CA10: variants seen among roughly 807,000 people sequenced by gnomAD.
The protein encoded by CA10 is carbonic anhydrase-related protein 10.
In CA10, 14 loss-of-function variants were observed where a neutral mutation model predicts 44.2. That is an observed-to-expected ratio of 0.32 (90% confidence interval 0.21 to 0.50). The LOEUF (loss-of-function observed/expected upper bound fraction) is 0.50, where lower values mean the gene tolerates loss of function less well. CA10 is among the 20% of genes least tolerant of loss of function. The pLI is 0.99. For synonymous variants in CA10, 159 were observed against 141.6 expected, an observed-to-expected ratio of 1.12 and a Z score of -0.87; for missense variants, 350 against 409.7, an observed-to-expected ratio of 0.85 and a Z score of 1.26.
At chr17:51,737,288 A>G (rs558102552) in intron 4 of CA10, among the ~76,000 whole-genome samples, 3 of 152,296 alleles carry the variant, frequency 2.0e-5, no homozygotes, top group Admixed American at 6.5e-5. Context: ...TGGGTGTGAT[A>G]AGGCCCTAAG....
chr17:51,843,258 G>A (rs113012468), intron 3 of CA10, among the ~76,000 whole-genome samples: 5 of 152,188 alleles, frequency 3.3e-5, no homozygotes, highest in African/African-American at 1.2e-4. Flanking sequence ...ATTCTCTAAA[G>A]AAAGGTAGAC....
chr17:51,679,297 T>A (rs1914746077), intron 4 of CA10, among the ~76,000 whole-genome samples: 1 of 151,354 alleles, frequency 6.6e-6, no homozygotes, highest in African/African-American at 2.4e-5. Context: ...TCTCGCTCTG[T>A]CACCCAGGCT....
intron 2 of CA10, among the ~76,000 whole-genome samples, chr17:51,935,147 G>T: frequency 6.6e-6 from 1 of 152,086 alleles, no homozygotes; most frequent in Non-Finnish European, 1.5e-5. Flanking sequence ...TATCTTTCAG[G>T]TTTATAGACA....
chr17:51,676,618 A>C (rs1914633618), intron 4 of CA10, among the ~76,000 whole-genome samples: 1 of 152,164 alleles, frequency 6.6e-6, no homozygotes, highest in Admixed American at 6.5e-5. Context: ...TTGCTCTTAC[A>C]TCAGAAACCC....
intron 2 of CA10, among the ~76,000 whole-genome samples, chr17:51,988,909 T>G (rs1229190265): frequency 6.6e-6 from 1 of 152,090 alleles, no homozygotes; most frequent in African/African-American, 2.4e-5. Flanking sequence ...ATTAATGAGC[T>G]ATTTCACCTT....
At chr17:52,135,813 C>G (rs1989344814) in intron 1 of CA10, among the ~76,000 whole-genome samples, 1 of 152,168 alleles carries the variant, frequency 6.6e-6, no homozygotes, top group Non-Finnish European at 1.5e-5. Flanking sequence ...TAAAGCATAA[C>G]TACGATCATG....
At chr17:51,729,595 C>A (rs1022478351) in intron 4 of CA10, among the ~76,000 whole-genome samples, 1 of 152,198 alleles carries the variant, frequency 6.6e-6, no homozygotes, top group African/African-American at 2.4e-5. Context: ...GCCAAGTTGA[C>A]AAGCAATCAA....
At chr17:52,033,672 A>G (rs144422729) in intron 2 of CA10, among the ~76,000 whole-genome samples, 287 of 152,304 alleles carry the variant, frequency 1.9e-3, no homozygotes, top group African/African-American at 6.5e-3. Context: ...GATATGTTCT[A>G]TAAGATACCA....
rs566983263 is a variant in CA10 at position 51,771,186 on chromosome 17, C to A, written c.280-23368G>T. Reference sequence around the variant, plus strand: ...TGTGAACCCAGAGTGAGAGCTCACTCTTCACCAAGCCATTCATGAGGGATC... The same window carrying A: ...TGTGAACCCAGAGTGAGAGCTCACTATTCACCAAGCCATTCATGAGGGATC... On this transcript the variant is annotated intron_variant, in intron 3 of 8. Coordinates refer to ENST00000451037, the MANE Select transcript of CA10 (RefSeq NM_020178.5). 2.0e-3 allele frequency among the ~76,000 whole-genome samples: 294 copies of A among 148,338 alleles called. No individual in the cohort carries two copies. The Middle Eastern group carries it at 0.028, about 14-fold the overall frequency.
chr17:52,121,781 T>C (rs1176808626), intron 1 of CA10, among the ~76,000 whole-genome samples: 1 of 151,964 alleles, frequency 6.6e-6, no homozygotes, highest in Non-Finnish European at 1.5e-5. Context: ...GAAAATTGTG[T>C]TACAAAAGCA....
intron 1 of CA10, among the ~76,000 whole-genome samples, chr17:52,102,922 A>G (rs1336707062): frequency 6.6e-6 from 1 of 152,038 alleles, no homozygotes; most frequent in African/African-American, 2.4e-5. Context: ...TTCACCCTCT[A>G]CGGAAGTCAC....
At chr17:51,985,762 T>TA (rs985013349) in intron 2 of CA10, among the ~76,000 whole-genome samples, 2 of 151,262 alleles carry the variant, frequency 1.3e-5, no homozygotes, top group Non-Finnish European at 1.5e-5. Context: ...ACAATAGCTA[T>TA]AAAAAAACAA....
intron 1 of CA10, among the ~76,000 whole-genome samples, chr17:52,129,582 G>A (rs1271387066): frequency 6.6e-6 from 1 of 152,210 alleles, no homozygotes; most frequent in Non-Finnish European, 1.5e-5. Context: ...CTTAACCAGT[G>A]AGACTTTCTT....
intron 3 of CA10, among the ~76,000 whole-genome samples, chr17:51,827,572 C>T (rs1908072479): frequency 6.6e-6 from 1 of 152,282 alleles, no homozygotes. Context: ...ACTCTTACAC[C>T]TTTTACTAGC....
At chr17:51,864,532 C>T (rs1048536653) in intron 3 of CA10, among the ~76,000 whole-genome samples, 1 of 152,194 alleles carries the variant, frequency 6.6e-6, no homozygotes, top group African/African-American at 2.4e-5. Flanking sequence ...CCACTATCAC[C>T]ATTTCTTACT....
intron 4 of CA10, among the ~76,000 whole-genome samples, chr17:51,728,630 C>T (rs182826292): frequency 2.6e-5 from 4 of 152,278 alleles, no homozygotes; most frequent in Admixed American, 1.3e-4. Context: ...CCCTTCTCTT[C>T]GCATCAGAGG....
At chr17:51,718,797 A>G (rs1483428488) in intron 4 of CA10, among the ~76,000 whole-genome samples, 1 of 152,190 alleles carries the variant, frequency 6.6e-6, no homozygotes, top group Non-Finnish European at 1.5e-5. Context: ...CTGCTGCAGA[A>G]TTGATTGCTT....
chr17:51,729,501 T>G (rs548887584), intron 4 of CA10, among the ~76,000 whole-genome samples: 1 of 152,308 alleles, frequency 6.6e-6, no homozygotes, highest in South Asian at 2.1e-4. Flanking sequence ...TTAAGCTAAC[T>G]GGGCATGCTT....
At chr17:51,849,198 CATATATGTATAT>C (rs1567860338) in intron 3 of CA10, among the ~76,000 whole-genome samples, 3 of 24,702 alleles carry the variant, frequency 1.2e-4, no homozygotes, top group African/African-American at 7.8e-4. Flanking sequence ...TATATATATA[CATATATGTATAT>C]ATATATATAC....
Sources: gnomAD v4.1 joint callset for allele counts (sites outside exome capture counted in the v4.1 genomes callset) on GRCh38, gnomAD v4.1.1 for gene constraint, MANE v1.5 for transcripts, NCBI Gene and HGNC (gene_info 2026-07-23, HGNC 2026-07-21) for gene names.